Variants in MARK3 observed in about 807,000 individuals in gnomAD.
The protein encoded by MARK3 is microtubule affinity regulating kinase 3.
Under a neutral mutation model 90.1 loss-of-function variants are expected in MARK3, and 46 were observed. That is an observed-to-expected ratio of 0.51 (90% confidence interval 0.40 to 0.65). MARK3 has a LOEUF of 0.65. Among genes scored for constraint, MARK3 ranks in the 30% least tolerant of loss-of-function variants. The pLI is 0.00. For synonymous variants in MARK3, 321 were observed against 332.6 expected (o/e 0.97, Z 0.38); for missense variants, 818 against 947.2 (o/e 0.86, Z 1.79).
At chr14:103,451,867 T>C in intron 4 of MARK3, 51 bp from the exon 5 acceptor site, 1 of 1,290,070 alleles carries the variant, frequency 7.8e-7, no homozygotes, top group South Asian at 1.2e-5. Context: ...GCATGGTTTG[T>C]GCATACAGAC....
At chr14:103,423,668 G>A (rs1012383802) in intron 2 of MARK3, among the ~76,000 whole-genome samples, 1 of 152,190 alleles carries the variant, frequency 6.6e-6, no homozygotes, top group East Asian at 1.9e-4. Context: ...TCTGGGCCAA[G>A]GTGATTTTGG....
chr14:103,498,417 C>A, intron 15 of MARK3, 85 bp from the exon 16 acceptor site: 1 of 951,794 alleles, frequency 1.1e-6, no homozygotes, highest in Non-Finnish European at 1.4e-6. Context: ...TTTTTTCTTT[C>A]TCTCTGTAAT....
intron 1 of MARK3, among the ~76,000 whole-genome samples, chr14:103,396,832 G>T (rs1872019661): frequency 6.6e-6 from 1 of 151,940 alleles, no homozygotes. Flanking sequence ...TCCTTTGGGT[G>T]CCTAGAGCTG....
chr14:103,389,131 G>A (rs1348985144), intron 1 of MARK3, among the ~76,000 whole-genome samples: 1 of 152,100 alleles, frequency 6.6e-6, no homozygotes, highest in East Asian at 1.9e-4. Context: ...TTGAGAGGCT[G>A]AGGCTGGCGG....
chr14:103,416,568 C>T (rs1316991950), intron 2 of MARK3, among the ~76,000 whole-genome samples: 3 of 152,096 alleles, frequency 2.0e-5, no homozygotes, highest in Non-Finnish European at 2.9e-5. Context: ...ATCAGGAGTT[C>T]GAGACCAGCC....
intron 14 of MARK3, among the ~76,000 whole-genome samples, chr14:103,484,611 G>T (rs548464936): frequency 2.0e-5 from 3 of 152,344 alleles, no homozygotes; most frequent in South Asian, 4.1e-4. Flanking sequence ...GACACTTAGC[G>T]TATGTATCTT....
intron 3 of MARK3, among the ~76,000 whole-genome samples, chr14:103,431,790 T>C (rs1349660640): frequency 6.6e-6 from 1 of 152,162 alleles, no homozygotes; most frequent in Admixed American, 6.5e-5. Flanking sequence ...TAGAAACTTC[T>C]ACAACACTGT....
At chr14:103,391,758 A>G (rs1247111862) in intron 1 of MARK3, among the ~76,000 whole-genome samples, 3 of 122,946 alleles carry the variant, frequency 2.4e-5, no homozygotes, top group Non-Finnish European at 4.7e-5. Flanking sequence ...GGGTTTCGCC[A>G]TGTTGGCCAG....
chr14:103,436,679 C>G (rs918644967), intron 3 of MARK3, among the ~76,000 whole-genome samples: 4 of 152,190 alleles, frequency 2.6e-5, no homozygotes, highest in Non-Finnish European at 4.4e-5. Flanking sequence ...GTGTCATGAT[C>G]ATAGCTCACT....
At chr14:103,496,908 G>C (rs2075376491) in intron 15 of MARK3, among the ~76,000 whole-genome samples, 1 of 151,746 alleles carries the variant, frequency 6.6e-6, no homozygotes, top group African/African-American at 2.4e-5. Flanking sequence ...CAGGAGTGGT[G>C]GTGCATGCCT....
At chr14:103,500,304 T>C in intron 17 of MARK3, 104 bp downstream of exon 17, 1 of 845,768 alleles carries the variant, frequency 1.2e-6, no homozygotes, top group South Asian at 1.8e-5. Context: ...TCCTGCTGTC[T>C]CTGTAGGAGT....
chr14:103,477,133 G>A (rs2093727886), intron 13 of MARK3, among the ~76,000 whole-genome samples: 2 of 152,172 alleles, frequency 1.3e-5, no homozygotes, highest in Non-Finnish European at 2.9e-5. Context: ...TTTCTCTGTA[G>A]ATGGTCTGCT....
intron 6 of MARK3, among the ~76,000 whole-genome samples, chr14:103,459,643 G>C (rs2093353413): frequency 6.6e-6 from 1 of 151,412 alleles, no homozygotes; most frequent in South Asian, 2.1e-4. Flanking sequence ...GGGATTACAA[G>C]TGTGCACCAC....
intron 16 of MARK3, chr14:103,499,792 A>C: frequency 4.1e-6 from 1 of 241,484 alleles, no homozygotes; most frequent in Non-Finnish European, 8.2e-6. Context: ...GAAAGTGAGA[A>C]TAACCCCATT....
Position 103,475,060 on chromosome 14 carries a change from C to T in MARK3, c.1332C>T (p.Asp444=). Residue 444 remains aspartate (D), a synonymous_variant, in exon 13 of 18, where the codon GAC becomes GAT. Transcript: ENST00000429436. ...GTCAGACCAGCACTGCAGATAGTGA[C>T]CTCAAAGAAGATGGAATTTCCTCCC... ...KRSQTSTADS[D]LKEDGISSRK... is the part of the protein sequence containing the mutation. The T allele has an allele frequency of 6.2e-7, 1 of 1,614,172 alleles. No homozygotes were observed. The highest frequency in any genetic ancestry group is 8.5e-7 in the Non-Finnish European group (1 of 1,180,026).
chr14:103,500,327 G>T, intron 17 of MARK3, 127 bp downstream of exon 17: 1 of 693,742 alleles, frequency 1.4e-6, no homozygotes, highest in Non-Finnish European at 2.4e-6. Flanking sequence ...CGTAGAGAGG[G>T]TGGCCACAAG....
intron 2 of MARK3, among the ~76,000 whole-genome samples, chr14:103,416,260 C>T (rs1469545509): frequency 6.6e-6 from 1 of 152,194 alleles, no homozygotes; most frequent in African/African-American, 2.4e-5. Context: ...AGCAAGGTAG[C>T]TCTTTCTAGG....
chr14:103,420,891 T>C (rs1482362620), intron 2 of MARK3, among the ~76,000 whole-genome samples: 1 of 152,154 alleles, frequency 6.6e-6, no homozygotes, highest in Non-Finnish European at 1.5e-5. Context: ...TTTTGTGATC[T>C]ATTTAATGCC....
rs1420665819 is a variant in MARK3 at position 103,475,195 on chromosome 14, C to T, written c.1467C>T (p.Ser489=). The T allele has an allele frequency of 1.2e-6, 2 of 1,613,040 alleles. No homozygotes were observed. Among genetic ancestry groups the T allele is most frequent in the Non-Finnish European group, 1.7e-6 (2 of 1,179,950 alleles). The change falls in exon 13 of 18, where the codon AGC becomes AGT. Residue 489 remains serine, a synonymous_variant. Transcript: ENST00000429436. ...NKADIPERKK[S]STVPSSNTAS... is the part of the protein sequence containing the mutation. ...CGGATATTCCTGAACGCAAGAAAAG[C>T]TCCACTGTCCCTAGTGTAAGTGTTG...
Sources: gnomAD v4.1 joint callset for allele counts (sites outside exome capture counted in the v4.1 genomes callset) on GRCh38, gnomAD v4.1.1 for gene constraint, MANE v1.5 for transcripts, NCBI Gene and HGNC (gene_info 2026-07-23, HGNC 2026-07-21) for gene names.